The following SV2C variants were observed in gnomAD, a reference collection of about 807,000 sequenced individuals.
SV2C encodes the protein solute carrier family 22 member B3.
A neutral mutation model predicts 79.7 loss-of-function variants in SV2C; 49 were observed. The ratio of observed to expected loss-of-function variants is 0.61; its 90% CI spans 0.49 to 0.78. The LOEUF (loss-of-function observed/expected upper bound fraction) is 0.78, where lower values mean the gene tolerates loss of function less well. Ranked by LOEUF, SV2C falls within the 30% of genes least tolerant of loss-of-function variation. SV2C has a pLI of 0.00. For synonymous variants in SV2C, 334 were observed against 333.2 expected (o/e 1.00, Z -0.03); for missense variants, 833 against 912.9 (o/e 0.91, Z 1.13).
intron 4 of SV2C, among the ~76,000 whole-genome samples, chr5:76,241,847 G>A (rs1309254645): frequency 6.6e-6 from 1 of 152,048 alleles, no homozygotes; most frequent in Non-Finnish European, 1.5e-5. Context: ...TTCTATTAGC[G>A]ACATATGCCC....
At chr5:76,010,710 A>G in the SV2C span, among the ~76,000 whole-genome samples, 2 of 152,168 alleles carry the variant, frequency 1.3e-5, no homozygotes, top group Non-Finnish European at 2.9e-5. Context: ...TTTCTCTGGC[A>G]TGACACAATT....
intron 2 of SV2C, among the ~76,000 whole-genome samples, chr5:76,171,655 G>GT (rs1743262322): frequency 6.9e-6 from 1 of 144,742 alleles, no homozygotes. Context: ...CATCCGGGAG[G>GT]GAGGTGGGGG....
intron 4 of SV2C, among the ~76,000 whole-genome samples, chr5:76,221,352 A>G (rs113445349): frequency 5.3e-5 from 8 of 152,336 alleles, no homozygotes; most frequent in African/African-American, 1.4e-4. Context: ...CTTACAGTTT[A>G]ACAAAAATTG....
rs182888204 is a variant in SV2C, at chr5:76,187,226, T to C, written c.581-7693T>C. ...CCTCCCCTGTCTGATGGGCATGCTG[T>C]ACAACAGCCATTTGAGGAACGACAT... is the stretch of plus-strand genomic sequence containing the variant. On this transcript the variant is annotated intron_variant, in intron 2 of 12. Coordinates refer to ENST00000502798, the MANE Select transcript of SV2C (RefSeq NM_014979.4). 9.2e-5 allele frequency among the ~76,000 whole-genome samples: 14 copies of C among 152,334 alleles called. No homozygotes were observed. The East Asian group carries it at 2.7e-3, about 29-fold the overall frequency.
the SV2C span, among the ~76,000 whole-genome samples, chr5:76,018,396 A>G: frequency 0.026 from 3,921 of 152,250 alleles, 184 homozygotes; most frequent in African/African-American, 0.087. Flanking sequence ...TCTAATTTCA[A>G]AAAGTCTTTT....
At chr5:75,928,871 G>A in the SV2C span, among the ~76,000 whole-genome samples, 1 of 152,052 alleles carries the variant, frequency 6.6e-6, no homozygotes, top group Non-Finnish European at 1.5e-5. Flanking sequence ...TAGAGAGATG[G>A]GAGAACTGGA....
the SV2C span, among the ~76,000 whole-genome samples, chr5:75,931,459 T>G: frequency 1.3e-5 from 2 of 152,250 alleles, no homozygotes; most frequent in Admixed American, 1.3e-4. Flanking sequence ...AAATGCTTTG[T>G]AACTGCGTGT....
chr5:75,871,856 C>CAT, the SV2C span, among the ~76,000 whole-genome samples: 1,530 of 134,396 alleles, frequency 0.011, 20 homozygotes, highest in African/African-American at 0.038. Context: ...CACACACACA[C>CAT]ACGTATATAT....
chr5:76,036,708 T>C, the SV2C span, among the ~76,000 whole-genome samples: 2 of 152,212 alleles, frequency 1.3e-5, no homozygotes. Context: ...TTGGTGAATC[T>C]GACAATTAGG....
rs111785672 is a variant in SV2C, at chr5:76,114,690, A to G, written c.-101-16960A>G. 7.4e-3 allele frequency among the ~76,000 whole-genome samples: 1,120 copies of G among 152,320 alleles called. 11 individuals are homozygous for G. The highest frequency in any genetic ancestry group is 0.026 in the African/African-American group (1,076 of 41,576). Reference sequence around the variant, plus strand: ...TTGTGGGCTAAACCCCAGGGTGTGTAGCTCAGCAACAGCTGTAAACACTGG... The same window carrying G: ...TTGTGGGCTAAACCCCAGGGTGTGTGGCTCAGCAACAGCTGTAAACACTGG... On this transcript the variant is annotated intron_variant, in intron 1 of 12. Transcript: ENST00000502798.
chr5:75,922,863 G>A, the SV2C span, among the ~76,000 whole-genome samples: 10 of 152,194 alleles, frequency 6.6e-5, no homozygotes, highest in Non-Finnish European at 1.5e-4. Flanking sequence ...ACAGTGACTA[G>A]AGCAAGAAAT....
intron 4 of SV2C, among the ~76,000 whole-genome samples, chr5:76,261,855 T>C (rs1248781917): frequency 6.6e-6 from 1 of 152,246 alleles, no homozygotes; most frequent in Non-Finnish European, 1.5e-5. Context: ...CAGTATTTTA[T>C]TGAGGGTTTT....
the SV2C span, among the ~76,000 whole-genome samples, chr5:75,913,897 A>T: frequency 6.6e-6 from 1 of 152,212 alleles, no homozygotes; most frequent in East Asian, 1.9e-4. Context: ...CCAGGGAAGA[A>T]ATATTTTTAT....
intron 1 of SV2C, among the ~76,000 whole-genome samples, chr5:76,106,866 C>T (rs1580270544): frequency 6.6e-6 from 1 of 152,106 alleles, no homozygotes; most frequent in Non-Finnish European, 1.5e-5. Flanking sequence ...TTTTAGTGTG[C>T]TTATTGTTCA....
the SV2C span, among the ~76,000 whole-genome samples, chr5:75,897,339 G>A: frequency 2.0e-5 from 3 of 151,822 alleles, no homozygotes; most frequent in Non-Finnish European, 4.4e-5. Flanking sequence ...TTTCCTCATT[G>A]CTTGTTTTTG....
the SV2C span, among the ~76,000 whole-genome samples, chr5:75,987,432 A>G: frequency 3.3e-5 from 5 of 152,022 alleles, no homozygotes; most frequent in Admixed American, 1.3e-4. Context: ...CTATCTTGCA[A>G]CTATGAGGCC....
At chr5:76,044,522 C>T in the SV2C span, among the ~76,000 whole-genome samples, 1 of 152,154 alleles carries the variant, frequency 6.6e-6, no homozygotes, top group Non-Finnish European at 1.5e-5. Flanking sequence ...TTTATATTCC[C>T]ACCAATAGTG....
intron 3 of SV2C, among the ~76,000 whole-genome samples, chr5:76,207,357 A>G (rs1744638170): frequency 6.6e-6 from 1 of 152,206 alleles, no homozygotes. Context: ...GACTATTTTT[A>G]TGCATTGAGA....
chr5:76,047,113 A>G, the SV2C span, among the ~76,000 whole-genome samples: 1 of 152,168 alleles, frequency 6.6e-6, no homozygotes, highest in Non-Finnish European at 1.5e-5. Context: ...TTGAAATGTA[A>G]TGTACATCCA....
Sources: allele counts gnomAD v4.1 joint callset (sites outside exome capture counted in the v4.1 genomes callset), GRCh38; gene constraint gnomAD v4.1.1; transcripts MANE v1.5; gene names NCBI Gene and HGNC (gene_info 2026-07-23, HGNC 2026-07-21).